Variants in CACNA2D3 observed in about 807,000 individuals in gnomAD.
CACNA2D3 encodes voltage-dependent calcium channel subunit alpha-2/delta-3.
Under a neutral mutation model 160.6 loss-of-function variants are expected in CACNA2D3, and 60 were observed. That is an observed-to-expected ratio of 0.37 (90% CI 0.30 to 0.46). CACNA2D3 has a LOEUF of 0.46. Ranked by LOEUF, CACNA2D3 falls within the 20% of genes least tolerant of loss-of-function variation. The probability of loss-of-function intolerance (pLI) is 1.00; values close to 1 mark genes in which losing one functional copy is unlikely to be tolerated. For synonymous variants in CACNA2D3, 558 were observed against 492.9 expected (o/e 1.13, Z -1.75); for missense variants, 1,205 against 1,365.0 (o/e 0.88, Z 1.85).
At chr3:54,795,529 GT>G (rs1337955350) in intron 13 of CACNA2D3, among the ~76,000 whole-genome samples, 8 of 152,194 alleles carry the variant, frequency 5.3e-5, no homozygotes, top group Admixed American at 1.3e-4. Context: ...GGAATGTTGA[GT>G]TTTGTTCTGG....
chr3:54,724,823 G>C lies in CACNA2D3; in HGVS notation c.1168-27776G>C, dbSNP rs569264979. On this transcript the variant is annotated intron_variant, in intron 11 of 37. Transcript: ENST00000474759. Reference sequence around the variant, plus strand: ...AATGCCCACAAGAGAAAGCAGGAAAGATCTAAAATTGACACGCTAATATCA... The same window carrying C: ...AATGCCCACAAGAGAAAGCAGGAAACATCTAAAATTGACACGCTAATATCA... 1.0e-3 allele frequency among the ~76,000 whole-genome samples: 154 copies of C among 152,156 alleles called. 1 individual carries two copies. The highest frequency in any genetic ancestry group is 1.7e-3 in the Non-Finnish European group (114 of 68,036).
At chr3:54,154,436 C>T (rs964365813) in intron 2 of CACNA2D3, among the ~76,000 whole-genome samples, 5 of 152,158 alleles carry the variant, frequency 3.3e-5, no homozygotes, top group Non-Finnish European at 7.3e-5. Context: ...CCAGAGGTCT[C>T]GGGCTTAGGA....
chr3:55,024,622 G>A (rs566685080), intron 35 of CACNA2D3, among the ~76,000 whole-genome samples: 22 of 152,136 alleles, frequency 1.4e-4, no homozygotes, highest in African/African-American at 5.3e-4. Flanking sequence ...AAGTCTGCTG[G>A]TGTCTTGATC....
At chr3:54,252,979 G>A (rs1254719551) in intron 2 of CACNA2D3, among the ~76,000 whole-genome samples, 1 of 152,116 alleles carries the variant, frequency 6.6e-6, no homozygotes, top group African/African-American at 2.4e-5. Flanking sequence ...AGACTTTGCT[G>A]GTCTTTTAAA....
At chr3:54,927,146 T>C (rs1264269015) in intron 27 of CACNA2D3, among the ~76,000 whole-genome samples, 1 of 152,204 alleles carries the variant, frequency 6.6e-6, no homozygotes, top group Admixed American at 6.5e-5. Context: ...TTGCTTGTTT[T>C]GGGCCTTAAC....
Position 54,122,836 on chromosome 3 carries a change from G to GT in CACNA2D3, c.122+2dup, listed in dbSNP as rs2107239314. ...CGGAGCAGCAGATACCGCTCTCCGT[G>GT]TAAGTGCCGGCTCCTGCGCCGCCCG... On this transcript the variant is annotated splice_donor_variant, in intron 1 of 37. Coordinates refer to ENST00000474759, the MANE Select transcript of CACNA2D3 (RefSeq NM_018398.3). LOFTEE classifies it high-confidence loss of function. 8.1e-7 allele frequency: 1 copy of GT among 1,230,600 alleles called. No homozygotes were observed. The highest frequency in any genetic ancestry group is 4.1e-5 in the South Asian group (1 of 24,242). The allele number at this position is 1,230,600 out of a possible 1,614,324, so 76.2% of individuals were successfully genotyped here.
chr3:54,321,568 T>A (rs1376257771), intron 3 of CACNA2D3, among the ~76,000 whole-genome samples: 1 of 152,216 alleles, frequency 6.6e-6, no homozygotes, highest in African/African-American at 2.4e-5. Flanking sequence ...ATGTACTCAC[T>A]TGTATTATCC....
intron 17 of CACNA2D3, among the ~76,000 whole-genome samples, chr3:54,850,561 G>T (rs1699036614): frequency 6.6e-6 from 1 of 151,250 alleles, no homozygotes; most frequent in African/African-American, 2.4e-5. Flanking sequence ...CCCAACAGCG[G>T]ATTGGTCATC....
At position 54,742,185 on chromosome 3, in the gene CACNA2D3, G is replaced by T. The variant is rs1041732082; in HGVS notation, c.1168-10414G>T. ...TATAATCCCAGCACTTTGGGAAGTC[G>T]AGGCGAGTTGATCACATGAGCCCAG... On this transcript the variant is annotated intron_variant, in intron 11 of 37. Coordinates refer to ENST00000474759, the MANE Select transcript of CACNA2D3 (RefSeq NM_018398.3). Among the ~76,000 whole-genome samples the T allele has an allele frequency of 6.6e-5, 10 of 152,278 alleles. No individual in the cohort carries two copies. The East Asian group carries it at 1.6e-3, about 24-fold the overall frequency.
chr3:54,761,110 C>G (rs1468206446), intron 12 of CACNA2D3, among the ~76,000 whole-genome samples: 1 of 152,204 alleles, frequency 6.6e-6, no homozygotes, highest in African/African-American at 2.4e-5. Context: ...CCACCCTCCT[C>G]CTTAAATTCA....
At chr3:54,820,211 A>C (rs1232562594) in intron 14 of CACNA2D3, among the ~76,000 whole-genome samples, 1 of 152,144 alleles carries the variant, frequency 6.6e-6, no homozygotes, top group Non-Finnish European at 1.5e-5. Flanking sequence ...ATCATCTGCA[A>C]CTATTTTCTC....
At chr3:54,199,286 G>T (rs1178174398) in intron 2 of CACNA2D3, among the ~76,000 whole-genome samples, 1 of 152,062 alleles carries the variant, frequency 6.6e-6, no homozygotes, top group East Asian at 1.9e-4. Context: ...GCAGTTCTAA[G>T]TCATCTTGTC....
intron 4 of CACNA2D3, among the ~76,000 whole-genome samples, chr3:54,442,917 A>T (rs937034218): frequency 3.3e-5 from 5 of 152,116 alleles, no homozygotes; most frequent in African/African-American, 1.2e-4. Flanking sequence ...AGAACTCAAG[A>T]TTTTGGTTGC....
At chr3:54,468,739 G>C (rs528593654) in intron 4 of CACNA2D3, among the ~76,000 whole-genome samples, 3 of 152,152 alleles carry the variant, frequency 2.0e-5, no homozygotes, top group African/African-American at 4.8e-5. Context: ...CAAGCTTGGT[G>C]GGGGGAGGTG....
At chr3:54,673,722 C>T (rs762369583) in intron 11 of CACNA2D3, among the ~76,000 whole-genome samples, 12 of 152,170 alleles carry the variant, frequency 7.9e-5, no homozygotes, top group Admixed American at 1.3e-4. Context: ...CATCTATAAA[C>T]CATCCTGAAT....
At chr3:54,813,622 G>A (rs1376916610) in intron 13 of CACNA2D3, among the ~76,000 whole-genome samples, 2 of 152,070 alleles carry the variant, frequency 1.3e-5, no homozygotes, top group Non-Finnish European at 2.9e-5. Context: ...GCATATCCTA[G>A]TAATAAGGTA....
chr3:54,160,699 A>G (rs1239870988), intron 2 of CACNA2D3, among the ~76,000 whole-genome samples: 1 of 152,104 alleles, frequency 6.6e-6, no homozygotes, highest in Non-Finnish European at 1.5e-5. Context: ...CCTCTCTCCA[A>G]TTTCTTTCAG....
intron 35 of CACNA2D3, among the ~76,000 whole-genome samples, chr3:55,051,419 G>A (rs1432189255): frequency 6.6e-6 from 1 of 152,140 alleles, no homozygotes; most frequent in African/African-American, 2.4e-5. Flanking sequence ...GGCTGCCCGG[G>A]CGTCAGGGGT....
chr3:54,533,626 C>G (rs975286778), intron 5 of CACNA2D3, among the ~76,000 whole-genome samples: 2 of 152,112 alleles, frequency 1.3e-5, no homozygotes, highest in Non-Finnish European at 2.9e-5. Flanking sequence ...TGAGCCACAG[C>G]ACCCAGCCAT....
Sources: gnomAD v4.1 joint callset for allele counts (sites outside exome capture counted in the v4.1 genomes callset) on GRCh38, gnomAD v4.1.1 for gene constraint, MANE v1.5 for transcripts, NCBI Gene and HGNC (gene_info 2026-07-23, HGNC 2026-07-21) for gene names.